THBS2: variants seen among roughly 807,000 people sequenced by gnomAD.
THBS2 encodes the protein thrombospondin-2.
THBS2 carries 47 observed loss-of-function variants against 135.2 expected under a neutral mutation model. The observed-to-expected ratio is 0.35, with a 90% CI of 0.28 to 0.44. The LOEUF is 0.44. Among genes scored for constraint, THBS2 ranks in the 20% least tolerant of loss-of-function variants. THBS2 has a pLI of 1.00. For missense variants in THBS2, 1,288 were observed against 1,603.1 expected, an observed-to-expected ratio of 0.80 and a Z score of 3.36; for synonymous variants, 639 against 633.8, an observed-to-expected ratio of 1.01 and a Z score of -0.12.
At position 169,252,998 on chromosome 6, in the gene THBS2, T is replaced by A. The variant is rs2115042462; in HGVS notation, c.-23+726A>T. On this transcript the variant is annotated intron_variant, in intron 1 of 21. Transcript: ENST00000617924. This position sits in a 1 kb window ranked among gnomAD's most constrained non-coding sequence, Gnocchi z 4.3. The stretch of plus-strand genomic sequence containing the variant: ...CAGTCCTGGGCAGCCAAACCCACCT[T>A]CCTTAAGTGGTAGCCAGGCAACCTG... Among the ~76,000 whole-genome samples the A allele has an allele frequency of 6.6e-6, 1 of 152,208 alleles. No individual in the cohort carries two copies. The highest frequency in any genetic ancestry group is 3.4e-3 in the Middle Eastern group (1 of 294).
rs777145434 is a variant in THBS2 at position 169,248,605 on chromosome 6, C to T, written c.421G>A (p.Asp141Asn). 1.9e-6 allele frequency: 3 copies of T among 1,614,068 alleles called. No individual in the cohort carries two copies. The South Asian group carries it at 3.3e-5, about 18-fold the overall frequency. ...CACTGCGAGTCAGCCAGGCCGACGT[C>T]CTCCAGGGAGACCACATGCCGGGTG... Reference protein sequence around the residue: ...DGTRHVVSLEDVGLADSQWKN... With the variant: ...DGTRHVVSLENVGLADSQWKN... The change falls in exon 3 of 22, where the codon GAC becomes AAC. Residue 141 changes from aspartate (D) to asparagine (N), a missense_variant. Around this residue, in one of 2 missense-constraint regions of THBS2, gnomAD observed 414 missense variants for 447.0 expected, o/e 0.93. Transcript: ENST00000617924.
chr6:169,223,999 G>T lies in THBS2; in HGVS notation c.2774-524C>A, dbSNP rs1282450946. On this transcript the variant is annotated intron_variant, in intron 17 of 21. Coordinates refer to ENST00000617924, the MANE Select transcript of THBS2 (RefSeq NM_003247.5). ...TTCAGCGGGGTTGTGGCATGGTGGG[G>T]AGTGGGGATGAGGTGGGCCTGGTGC... Among the ~76,000 whole-genome samples the T allele has an allele frequency of 2.6e-5, 4 of 152,298 alleles. No homozygotes were observed. In the South Asian group the frequency reaches 8.3e-4, roughly 32 times the overall value.
intron 18 of THBS2, 144 bp downstream of exon 18, chr6:169,223,104 A>G (rs1006583050): frequency 5.5e-6 from 4 of 730,180 alleles, no homozygotes; most frequent in South Asian, 4.0e-5. Flanking sequence ...TTAGGCAGAC[A>G]GTTTCACAGA....
At chr6:169,245,520 T>G (rs141758656) in intron 4 of THBS2, among the ~76,000 whole-genome samples, 5 of 151,976 alleles carry the variant, frequency 3.3e-5, no homozygotes, top group African/African-American at 9.7e-5. Flanking sequence ...AGGCCGGGCG[T>G]GGTGGCTCAC....
chr6:169,247,849 G>A (rs561679422), intron 3 of THBS2, among the ~76,000 whole-genome samples: 2 of 151,828 alleles, frequency 1.3e-5, no homozygotes, highest in Non-Finnish European at 1.5e-5. Flanking sequence ...GGGTGCCCAC[G>A]TAGGGTGTGT....
intron 2 of THBS2, 124 bp from the exon 3 acceptor site, chr6:169,249,097 G>A: frequency 1.1e-6 from 1 of 916,612 alleles, no homozygotes; most frequent in Non-Finnish European, 1.6e-6. Context: ...ATATCCCGCA[G>A]CTTCTCTCCC....
chr6:169,248,573 G>A lies in THBS2; in HGVS notation c.453C>T (p.Asn151=), dbSNP rs748784104. The change falls in exon 3 of 22, where the codon AAC becomes AAT. Residue 151 remains asparagine (N), a synonymous_variant. Transcript: ENST00000617924. The part of the protein sequence containing the change: ...DVGLADSQWK[N]VTVQVAGETY... ...TCTCGCCAGCCACCTGCACGGTGACGTTCTTCCACTGCGAGTCAGCCAGGC... is the reference window on the plus strand; with the variant it reads ...TCTCGCCAGCCACCTGCACGGTGACATTCTTCCACTGCGAGTCAGCCAGGC... 30 of 1,613,884 alleles carry A rather than the reference G, an allele frequency of 1.9e-5. No individual in the cohort carries two copies. Among genetic ancestry groups the A allele is most frequent in the African/African-American group, 2.7e-5 (2 of 74,926 alleles).
In THBS2 at chr6:169,217,674, T is replaced by G; in HGVS notation, c.*148A>C. ...CCTCTGAAGGCACTTGGGTTTGGGG[T>G]TGCTGGCAGGAGGTGAAGAACCATC... On this transcript the variant is annotated 3_prime_UTR_variant, in exon 22 of 22. Coordinates refer to ENST00000617924, the MANE Select transcript of THBS2 (RefSeq NM_003247.5). 1 of 795,036 alleles carries G rather than the reference T, an allele frequency of 1.3e-6. No individual in the cohort carries two copies. The highest frequency in any genetic ancestry group is 1.9e-6 in the Non-Finnish European group (1 of 514,522). 49.2% of individuals were successfully genotyped at this position (795,036 alleles called of 1,614,324 possible). A position where few individuals can be genotyped will look rare whatever the true frequency, so the allele number is the denominator to read the frequency against.
chr6:169,251,659 T>G (rs921202351), intron 1 of THBS2, among the ~76,000 whole-genome samples: 9 of 152,164 alleles, frequency 5.9e-5, no homozygotes, highest in Non-Finnish European at 1.2e-4. Context: ...CTTCCCATAT[T>G]TAGAATATCA....
chr6:169,220,318 T>A lies in THBS2; in HGVS notation c.3391A>T (p.Lys1131Ter), dbSNP rs1234680702. The A allele has an allele frequency of 6.2e-7, 1 of 1,612,874 alleles. No homozygotes were observed. The highest frequency in any genetic ancestry group is 8.5e-7 in the Non-Finnish European group (1 of 1,179,566). ...GGTCCTGAGTCTGCCATGACCTGTTTTCCTTCATGCACTAAGACTCTAAAA... is the reference window on the plus strand; with the variant it reads ...GGTCCTGAGTCTGCCATGACCTGTTATCCTTCATGCACTAAGACTCTAAAA... ...GYIRVLVHEG[K>*]QVMADSGPIY... The change falls in exon 21 of 22, where the codon AAA (lysine) becomes TAA (stop). Residue 1131 changes from lysine (K) to a stop codon, truncating the protein, a stop_gained. Coordinates refer to ENST00000617924, the MANE Select transcript of THBS2 (RefSeq NM_003247.5). LOFTEE classifies it high-confidence loss of function.
chr6:169,232,428 C>G (rs1310059117), intron 12 of THBS2, among the ~76,000 whole-genome samples: 1 of 152,148 alleles, frequency 6.6e-6, no homozygotes, highest in Non-Finnish European at 1.5e-5. Context: ...CCAAGGGCTG[C>G]GCTAACAGCG....
At chr6:169,236,874 A>G (rs1467447959) in intron 9 of THBS2, among the ~76,000 whole-genome samples, 1 of 152,058 alleles carries the variant, frequency 6.6e-6, no homozygotes, top group Non-Finnish European at 1.5e-5. Context: ...ACTCACTCCC[A>G]TGACAGAGCT....
chr6:169,244,609 C>T (rs1055796538), intron 4 of THBS2, among the ~76,000 whole-genome samples: 6 of 152,112 alleles, frequency 3.9e-5, no homozygotes, highest in Admixed American at 3.3e-4. Context: ...CGCACACACA[C>T]ACACACACAC....
intron 4 of THBS2, among the ~76,000 whole-genome samples, chr6:169,242,636 TCCCACCTTCCCACCAC>T (rs1780362845): frequency 1.0e-3 from 14 of 13,774 alleles, no homozygotes; most frequent in South Asian, 3.0e-3. Context: ...TTCCCACCAC[TCCCACCTTCCCACCAC>T]TCCCACCTTC....
Position 169,241,749 on chromosome 6 carries a change from C to A in THBS2, c.891+13G>T, listed in dbSNP as rs375715721. 4 of 1,592,868 alleles carry A rather than the reference C, an allele frequency of 2.5e-6. No individual in the cohort carries two copies. Among genetic ancestry groups the A allele is most frequent in the Middle Eastern group, 1.7e-4 (1 of 5,776 alleles). ...TGCCCTATGACCCCCGCGGCCCCTG[C>A]GTGAGTACCCACCACTCTCTTGAGG... On this transcript the variant is annotated intron_variant, in intron 5 of 21. Coordinates refer to ENST00000617924, the MANE Select transcript of THBS2 (RefSeq NM_003247.5). This position sits in a 1 kb window ranked among gnomAD's most constrained non-coding sequence, Gnocchi z 5.5.
Position 169,248,434 on chromosome 6 carries a change from T to C in THBS2, c.592A>G (p.Arg198Gly). 6.2e-7 allele frequency: 1 copy of C among 1,607,774 alleles called. No individual in the cohort carries two copies. The highest frequency in any genetic ancestry group is 8.5e-7 in the Non-Finnish European group (1 of 1,174,932). The change falls in exon 3 of 22, where the codon AGA becomes GGA. Residue 198 changes from arginine to glycine, a missense_variant. Arg to Gly is a moderately radical substitution (Grantham distance 125, BLOSUM62 -2). This residue lies in a region of THBS2 where 414 missense variants were observed against 447.0 expected (regional missense o/e 0.93). Coordinates refer to ENST00000617924, the MANE Select transcript of THBS2 (RefSeq NM_003247.5). ...GAGCGTACCCTGAAGTGACTCTCTC[T>C]GGCAGAGCCTTTGGCCACGTACATC... ...SRMYVAKGSA[R>G]ESHFRGLLQN...
intron 9 of THBS2, among the ~76,000 whole-genome samples, chr6:169,236,318 C>T (rs1780063758): frequency 8.2e-6 from 1 of 121,214 alleles, no homozygotes; most frequent in Non-Finnish European, 1.8e-5. Context: ...TCCCCATCCA[C>T]ACTCACTCCC....
At position 169,228,141 on chromosome 6, in the gene THBS2, G is replaced by A. The variant is rs1307686357; in HGVS notation, c.2400C>T (p.Ser800=). The A allele has an allele frequency of 5.6e-6, 9 of 1,613,464 alleles. No homozygotes were observed. Among genetic ancestry groups the A allele is most frequent in the African/African-American group, 4.0e-5 (3 of 74,796 alleles). Residue 800 remains serine, a synonymous_variant, in exon 15 of 22, where the codon TCC becomes TCT. Coordinates refer to ENST00000617924, the MANE Select transcript of THBS2 (RefSeq NM_003247.5). ...ACCCACCGTCCCCATCAATGTCCACGGAGCAGGCGTCACCCTCTCCATTGT... is the reference window on the plus strand; with the variant it reads ...ACCCACCGTCCCCATCAATGTCCACAGAGCAGGCGTCACCCTCTCCATTGT... The part of the protein sequence containing the change: ...TDNNGEGDAC[S]VDIDGDDVFN...
chr6:169,251,421 C>A (rs1780750438), intron 1 of THBS2, among the ~76,000 whole-genome samples: 1 of 152,220 alleles, frequency 6.6e-6, no homozygotes, highest in South Asian at 2.1e-4. Context: ...TATTTTCCTG[C>A]AGGCCTGTTT....
Sources: allele counts gnomAD v4.1 joint callset (sites outside exome capture counted in the v4.1 genomes callset), GRCh38; gene constraint gnomAD v4.1.1; regional missense constraint gnomAD v4.1.1; non-coding constraint Gnocchi (gnomAD v3.1); transcripts MANE v1.5; gene names NCBI Gene and HGNC (gene_info 2026-07-23, HGNC 2026-07-21).